Variants in RPS6KA2 observed in about 807,000 individuals in gnomAD.
RPS6KA2 encodes ribosomal protein S6 kinase A2, also known as ribosomal protein S6 kinase alpha-2.
A neutral mutation model predicts 91.8 loss-of-function variants in RPS6KA2; 42 were observed. The observed-to-expected ratio is 0.46, with a 90% CI of 0.36 to 0.59. The LOEUF (loss-of-function observed/expected upper bound fraction) is 0.59. Among genes scored for constraint, RPS6KA2 ranks in the 20% least tolerant of loss-of-function variants. The probability of loss-of-function intolerance (pLI) is 0.00; values close to 1 mark genes in which losing one functional copy is unlikely to be tolerated. For synonymous variants in RPS6KA2, 414 were observed against 393.6 expected (o/e 1.05, Z -0.61); for missense variants, 798 against 978.5 (o/e 0.82, Z 2.46).
At chr6:166,678,141 C>A (rs1788670140) in intron 2 of RPS6KA2, among the ~76,000 whole-genome samples, 1 of 152,234 alleles carries the variant, frequency 6.6e-6, no homozygotes, top group African/African-American at 2.4e-5. Context: ...AGAACATATG[C>A]CAGCCGTCAA....
intron 2 of RPS6KA2, among the ~76,000 whole-genome samples, chr6:166,854,508 A>C (rs1053314578): frequency 2.0e-5 from 3 of 152,224 alleles, no homozygotes; most frequent in African/African-American, 7.2e-5. Flanking sequence ...CATGAACCAT[A>C]ATGCCTGGCC....
chr6:166,753,978 G>A (rs934621136), intron 2 of RPS6KA2, among the ~76,000 whole-genome samples: 1 of 152,150 alleles, frequency 6.6e-6, no homozygotes, highest in East Asian at 1.9e-4. Context: ...GCTTGAACTT[G>A]ATCTGTAATG....
chr6:166,631,083 G>T (rs1335913559), upstream of RPS6KA2, among the ~76,000 whole-genome samples: 1 of 152,130 alleles, frequency 6.6e-6, no homozygotes, highest in Non-Finnish European at 1.5e-5. Context: ...TTCACATCTG[G>T]GTGCCAACCA....
At chr6:166,424,491 T>C (rs1020507851) in intron 16 of RPS6KA2, among the ~76,000 whole-genome samples, 15 of 152,308 alleles carry the variant, frequency 9.8e-5, no homozygotes, top group Middle Eastern at 6.8e-3. Flanking sequence ...TGGGAAGAGA[T>C]GGCGCACAGA....
Position 166,508,039 on chromosome 6 carries a change from CCA to C in RPS6KA2, c.459+162_459+163del, listed in dbSNP as rs916555489. Among the ~76,000 whole-genome samples, 2 of 151,046 alleles carry C rather than the reference CCA, an allele frequency of 1.3e-5. No homozygotes were observed. Among genetic ancestry groups the C allele is most frequent in the African/African-American group, 2.4e-5 (1 of 41,064 alleles). ...ACACACTCACACATGTACACCTCTC[CCA>C]CACACGCACTCTTGCACACACTCAC... On this transcript the variant is annotated intron_variant, in intron 5 of 20. Transcript: ENST00000265678. This position sits in a 1 kb window ranked among gnomAD's most constrained non-coding sequence, Gnocchi z 4.3.
At chr6:166,655,312 C>T (rs1340025578) in intron 2 of RPS6KA2, among the ~76,000 whole-genome samples, 3 of 152,206 alleles carry the variant, frequency 2.0e-5, no homozygotes, top group Non-Finnish European at 4.4e-5. Flanking sequence ...ACCAAGGACA[C>T]ATAACAAGCA....
intron 1 of RPS6KA2, among the ~76,000 whole-genome samples, chr6:166,590,135 G>A (rs1409528466): frequency 6.6e-6 from 1 of 152,188 alleles, no homozygotes; most frequent in Admixed American, 6.5e-5. Flanking sequence ...AAGCATCATC[G>A]GGATGATAAA....
At position 166,823,434 on chromosome 6, in the gene RPS6KA2, AGTGTGTGTGTGTGT is replaced by A. The variant is rs56187218; in HGVS notation, c.123+34752_123+34765del. 9.8e-3 allele frequency among the ~76,000 whole-genome samples: 1,450 copies of A among 148,094 alleles called. 11 individuals are homozygous for A. The highest frequency in any genetic ancestry group is 0.034 in the African/African-American group (1,370 of 39,990). On this transcript the variant is annotated intron_variant, in intron 2 of 21. Coordinates refer to the RPS6KA2 transcript ENST00000503859. ...TTGTTATGCACTGTATTGGTTTTGC[AGTGTGTGTGTGTGT>A]GTGTGTGTGTGTGTGTGTGTGTGTG...
chr6:166,671,938 T>C (rs1788484126), intron 2 of RPS6KA2, among the ~76,000 whole-genome samples: 1 of 152,024 alleles, frequency 6.6e-6, no homozygotes, highest in South Asian at 2.1e-4. Context: ...ATTAGGAAGG[T>C]CCATTCTCAG....
At chr6:166,817,035 T>C (rs971357193) in intron 2 of RPS6KA2, among the ~76,000 whole-genome samples, 1 of 152,192 alleles carries the variant, frequency 6.6e-6, no homozygotes, top group African/African-American at 2.4e-5. Flanking sequence ...ATGATTCAAA[T>C]AAGGCAGATT....
chr6:166,422,706 G>A (rs1173929885), intron 17 of RPS6KA2, among the ~76,000 whole-genome samples: 2 of 152,214 alleles, frequency 1.3e-5, no homozygotes, highest in Non-Finnish European at 2.9e-5. Flanking sequence ...TCCGAGCGGG[G>A]CTGGGAGCAG....
At chr6:166,636,818 G>A (rs1787255797) in intron 2 of RPS6KA2, among the ~76,000 whole-genome samples, 1 of 152,178 alleles carries the variant, frequency 6.6e-6, no homozygotes. Context: ...AGGATTTCAG[G>A]ATTGATCATT....
chr6:166,693,508 C>A (rs1219076219), intron 2 of RPS6KA2, among the ~76,000 whole-genome samples: 1 of 152,214 alleles, frequency 6.6e-6, no homozygotes, highest in East Asian at 1.9e-4. Context: ...CAGGAGGACT[C>A]CCTGTTCCAT....
intron 2 of RPS6KA2, among the ~76,000 whole-genome samples, chr6:166,675,925 G>C (rs1258529728): frequency 3.3e-5 from 5 of 152,114 alleles, no homozygotes; most frequent in Non-Finnish European, 7.3e-5. Flanking sequence ...CCATTTGTTT[G>C]CTTTTCTCTG....
chr6:166,682,391 G>C (rs1006365624), intron 2 of RPS6KA2, among the ~76,000 whole-genome samples: 1 of 152,184 alleles, frequency 6.6e-6, no homozygotes, highest in Non-Finnish European at 1.5e-5. Flanking sequence ...CAGAGCCATG[G>C]GGAGTGTCTT....
intron 2 of RPS6KA2, among the ~76,000 whole-genome samples, chr6:166,658,936 G>A (rs1469324441): frequency 1.3e-5 from 2 of 152,128 alleles, no homozygotes; most frequent in African/African-American, 4.8e-5. Flanking sequence ...CTGGGAACCC[G>A]CCCCGACACG....
chr6:166,541,440 C>A (rs2128495974), intron 1 of RPS6KA2, among the ~76,000 whole-genome samples: 1 of 152,360 alleles, frequency 6.6e-6, no homozygotes, highest in South Asian at 2.1e-4. Context: ...TGAGCTCATG[C>A]AGTCCCATGG....
chr6:166,462,070 C>T (rs933686202), intron 11 of RPS6KA2, among the ~76,000 whole-genome samples: 4 of 152,248 alleles, frequency 2.6e-5, no homozygotes, highest in South Asian at 2.1e-4. Context: ...CACACAGCAT[C>T]GCGCAGGTGC....
intron 2 of RPS6KA2, chr6:166,701,627 G>T: frequency 7.7e-7 from 1 of 1,305,822 alleles, no homozygotes; most frequent in Non-Finnish European, 1.1e-6. Context: ...GATTCTGATT[G>T]CTCAGACTGC....
Sources: gnomAD v4.1 joint callset for allele counts (sites outside exome capture counted in the v4.1 genomes callset) on GRCh38, gnomAD v4.1.1 for gene constraint, Gnocchi (gnomAD v3.1) non-coding constraint, MANE v1.5 for transcripts, NCBI Gene and HGNC (gene_info 2026-07-23, HGNC 2026-07-21) for gene names.